Variants in XRRA1 observed in about 807,000 individuals in gnomAD.
XRRA1 encodes the protein X-ray radiation resistance-associated protein 1.
XRRA1 carries 69 observed loss-of-function variants against 80.2 expected under a neutral mutation model. The ratio of observed to expected loss-of-function variants is 0.86; its 90% CI spans 0.71 to 1.05. The LOEUF is 1.05. Ranked by LOEUF, XRRA1 falls within the 50% of genes least tolerant of loss-of-function variation. XRRA1 has a pLI of 0.00. For missense variants in XRRA1, 967 were observed against 976.4 expected (o/e 0.99, Z 0.13); for synonymous variants, 348 against 389.9 (o/e 0.89, Z 1.27).
Position 74,889,579 on chromosome 11 carries a change from A to C in XRRA1, c.1003+16660T>G, listed in dbSNP as rs571707307. Among the ~76,000 whole-genome samples the C allele has an allele frequency of 4.8e-3, 737 of 152,360 alleles. 5 individuals are homozygous for C. The highest frequency in any genetic ancestry group is 8.3e-3 in the Non-Finnish European group (567 of 68,022). On this transcript the variant is annotated intron_variant, in intron 10 of 18. Transcript: ENST00000684022. ...TATTAACCTTAAGTGTCAATGGGCT[A>C]AATGCTCCAATTAAAAGACACAGAC...
chr11:74,918,084 G>T (rs536702830), intron 8 of XRRA1, among the ~76,000 whole-genome samples: 1 of 152,048 alleles, frequency 6.6e-6, no homozygotes, highest in African/African-American at 2.4e-5. Flanking sequence ...GTAAAAGCAG[G>T]ACCTTAAAGG....
At chr11:74,940,749 A>G (rs1456877656) in intron 3 of XRRA1, 36 bp downstream of exon 3, 2 of 1,532,328 alleles carry the variant, frequency 1.3e-6, no homozygotes. Flanking sequence ...CGAGCTAGGT[A>G]TGAGGAAAAG....
At chr11:74,939,458 G>A (rs1002115381) in intron 3 of XRRA1, among the ~76,000 whole-genome samples, 1 of 152,008 alleles carries the variant, frequency 6.6e-6, no homozygotes, top group South Asian at 2.1e-4. Context: ...ACCCAATTCC[G>A]CCATTATTTA....
intron 10 of XRRA1, among the ~76,000 whole-genome samples, chr11:74,897,100 A>C (rs2052501884): frequency 1.3e-5 from 2 of 152,170 alleles, no homozygotes; most frequent in South Asian, 4.1e-4. Flanking sequence ...AGCTATTTTG[A>C]GGAAACTCAA....
chr11:74,869,447 T>G (rs1469203020), intron 10 of XRRA1, among the ~76,000 whole-genome samples: 1 of 152,146 alleles, frequency 6.6e-6, no homozygotes, highest in African/African-American at 2.4e-5. Flanking sequence ...AAAACTGAGC[T>G]GAAAACATAG....
intron 1 of XRRA1, among the ~76,000 whole-genome samples, chr11:74,946,229 C>A (rs941111921): frequency 6.6e-6 from 1 of 152,182 alleles, no homozygotes; most frequent in African/African-American, 2.4e-5. Context: ...AGGCGTGAAC[C>A]CCCTTGCCCA....
rs370601821 is a variant in XRRA1, at chr11:74,844,149, C to T, written c.2043+19G>A. The T allele has an allele frequency of 1.4e-5, 23 of 1,608,160 alleles. No homozygotes were observed. Among genetic ancestry groups the T allele is most frequent in the Middle Eastern group, 1.7e-4 (1 of 6,036 alleles). On this transcript the variant is annotated intron_variant, in intron 17 of 18. Coordinates refer to ENST00000684022, the MANE Select transcript of XRRA1 (RefSeq NM_001378157.1). ...GGTACTCAGGGGCCATTTACACATT[C>T]AGTGAGCTGGATGTTTACCCGTTTC...
At position 74,841,727 on chromosome 11, in the gene XRRA1, T is replaced by C. The variant is rs909659002; in HGVS notation, c.*1473A>G. ...GCAAAGCAAGGTTTGTTCATCTTCCTTTCCTGTCATTTAAGGTAAAACAGG... is the reference window on the plus strand; with the variant it reads ...GCAAAGCAAGGTTTGTTCATCTTCCCTTCCTGTCATTTAAGGTAAAACAGG... On this transcript the variant is annotated 3_prime_UTR_variant, in exon 19 of 19. Transcript: ENST00000684022. 2.0e-5 allele frequency: 3 copies of C among 152,226 alleles called. No homozygotes were observed. Among genetic ancestry groups the C allele is most frequent in the Non-Finnish European group, 4.4e-5 (3 of 68,032 alleles). The allele number at this position is 152,226 out of a possible 1,614,324, so 9.4% of individuals were successfully genotyped here. A position where few individuals can be genotyped will look rare whatever the true frequency, so the allele number is the denominator to read the frequency against.
chr11:74,843,829 C>T (rs1219578069), intron 18 of XRRA1, 25 bp downstream of exon 18: 1 of 1,585,472 alleles, frequency 6.3e-7, no homozygotes, highest in East Asian at 2.3e-5. Context: ...GATCTGGGAT[C>T]CTGGCAGCTG....
At chr11:74,856,447 A>G (rs547487241) in intron 12 of XRRA1, among the ~76,000 whole-genome samples, 83 of 152,342 alleles carry the variant, frequency 5.4e-4, no homozygotes, top group African/African-American at 1.8e-3. Context: ...CTTGAGTCCA[A>G]TAGAGAGCTA....
chr11:74,921,389 T>C, intron 7 of XRRA1, 42 bp from the exon 8 acceptor site: 1 of 1,610,888 alleles, frequency 6.2e-7, no homozygotes. Flanking sequence ...AAGCACTCTG[T>C]GTGACAACAA....
chr11:74,844,091 C>G (rs528653611), intron 17 of XRRA1, 77 bp downstream of exon 17: 71 of 1,496,966 alleles, frequency 4.7e-5, no homozygotes, highest in Non-Finnish European at 5.9e-5. Flanking sequence ...CTCAGAGGGT[C>G]CCAAGGTGAC....
chr11:74,877,578 C>A (rs1371257981), intron 10 of XRRA1, among the ~76,000 whole-genome samples: 1 of 151,318 alleles, frequency 6.6e-6, no homozygotes, highest in Non-Finnish European at 1.5e-5. Context: ...TGTCATCTAG[C>A]ATTAGGTATA....
intron 10 of XRRA1, among the ~76,000 whole-genome samples, chr11:74,866,554 C>T (rs867051968): frequency 1.3e-5 from 2 of 151,416 alleles, no homozygotes; most frequent in Non-Finnish European, 2.9e-5. Flanking sequence ...CTATGCCCAG[C>T]CAAAACAGAT....
chr11:74,872,912 A>G (rs1304631209), intron 10 of XRRA1, among the ~76,000 whole-genome samples: 3 of 152,100 alleles, frequency 2.0e-5, no homozygotes, highest in Non-Finnish European at 4.4e-5. Flanking sequence ...TTCTAACCTG[A>G]TATTTTTCTC....
intron 15 of XRRA1, among the ~76,000 whole-genome samples, chr11:74,846,402 A>G (rs770867891): frequency 1.3e-5 from 2 of 152,198 alleles, no homozygotes; most frequent in African/African-American, 4.8e-5. Flanking sequence ...ATACTTCACA[A>G]ACTCTTCCAA....
chr11:74,906,768 G>T, intron 9 of XRRA1: 1 of 416,998 alleles, frequency 2.4e-6, no homozygotes, highest in Non-Finnish European at 4.3e-6. Context: ...GCTTAACAAT[G>T]TAAATGCCAC....
chr11:74,861,249 C>T (rs780952917), intron 11 of XRRA1, among the ~76,000 whole-genome samples: 2 of 152,226 alleles, frequency 1.3e-5, no homozygotes, highest in African/African-American at 2.4e-5. Context: ...CGGTGCCAGT[C>T]CCTGGCTTGT....
intron 10 of XRRA1, among the ~76,000 whole-genome samples, chr11:74,892,154 GT>G (rs1301723545): frequency 3.3e-5 from 5 of 152,016 alleles, no homozygotes; most frequent in African/African-American, 1.2e-4. Context: ...ACTTCAAACT[GT>G]ACTACAAGGC....
Sources: allele counts gnomAD v4.1 joint callset (sites outside exome capture counted in the v4.1 genomes callset), GRCh38; gene constraint gnomAD v4.1.1; transcripts MANE v1.5; gene names NCBI Gene and HGNC (gene_info 2026-07-23, HGNC 2026-07-21).